NSMCE2: variants seen among roughly 807,000 people sequenced by gnomAD.
NSMCE2 encodes E3 SUMO-protein ligase NSE2.
In NSMCE2, 24 loss-of-function variants were observed where a neutral mutation model predicts 23.8. The observed-to-expected ratio is 1.01, with a 90% confidence interval of 0.73 to 1.42. The LOEUF (loss-of-function observed/expected upper bound fraction) is 1.42. NSMCE2 is among the 40% of genes most tolerant of loss of function. NSMCE2 has a pLI of 0.00. For missense variants in NSMCE2, 284 were observed against 296.5 expected (o/e 0.96, Z 0.31); for synonymous variants, 92 against 94.1 (o/e 0.98, Z 0.13).
intron 4 of NSMCE2, among the ~76,000 whole-genome samples, chr8:125,164,193 TC>T (rs2130737966): frequency 6.6e-6 from 1 of 152,278 alleles, no homozygotes; most frequent in African/African-American, 2.4e-5. Flanking sequence ...AGGTCCCCAA[TC>T]CCTTTAATAA....
At chr8:125,234,473 G>A (rs1312791206) in intron 5 of NSMCE2, among the ~76,000 whole-genome samples, 2 of 152,024 alleles carry the variant, frequency 1.3e-5, no homozygotes, top group Non-Finnish European at 2.9e-5. Context: ...AATCTTTCTT[G>A]CTCTGTAATA....
chr8:125,252,519 C>G (rs1283843099), intron 5 of NSMCE2, among the ~76,000 whole-genome samples: 6 of 152,138 alleles, frequency 3.9e-5, no homozygotes, highest in Non-Finnish European at 7.4e-5. Flanking sequence ...GAGCGAGACT[C>G]TGTCTCAAAA....
intron 5 of NSMCE2, among the ~76,000 whole-genome samples, chr8:125,264,455 G>A (rs1826830699): frequency 6.6e-6 from 1 of 152,144 alleles, no homozygotes; most frequent in Non-Finnish European, 1.5e-5. Flanking sequence ...TGCCCAGGCT[G>A]GAATGCAATG....
chr8:125,290,555 T>A lies in NSMCE2; in HGVS notation c.419-66664T>A, dbSNP rs150988613. ...ACCTCATAGCATTCTAGGTTATGTA[T>A]CCTCTTTCAGTTCAACTAAAGAGCC... On this transcript the variant is annotated intron_variant, in intron 5 of 7. Coordinates refer to ENST00000287437, the MANE Select transcript of NSMCE2 (RefSeq NM_173685.4). 4.5e-4 allele frequency among the ~76,000 whole-genome samples: 69 copies of A among 152,286 alleles called. No individual in the cohort carries two copies. The East Asian group carries it at 5.4e-3, about 12-fold the overall frequency.
intron 3 of NSMCE2, among the ~76,000 whole-genome samples, chr8:125,104,624 G>A (rs1818368110): frequency 6.6e-6 from 1 of 152,106 alleles, no homozygotes; most frequent in Admixed American, 6.5e-5. Context: ...CAGACTCAAG[G>A]GGACCCCAGT....
intron 4 of NSMCE2, among the ~76,000 whole-genome samples, chr8:125,180,992 G>A (rs1303512174): frequency 6.6e-6 from 1 of 152,176 alleles, no homozygotes; most frequent in Non-Finnish European, 1.5e-5. Flanking sequence ...CTGGAGTGGT[G>A]GTAGAAGTCC....
At chr8:125,204,114 T>C (rs1824004272) in intron 5 of NSMCE2, among the ~76,000 whole-genome samples, 1 of 152,214 alleles carries the variant, frequency 6.6e-6, no homozygotes, top group Admixed American at 6.5e-5. Context: ...TAAAGGATTA[T>C]AGAAGGGGGT....
intron 5 of NSMCE2, among the ~76,000 whole-genome samples, chr8:125,304,855 T>C (rs1340744701): frequency 6.8e-6 from 1 of 147,930 alleles, no homozygotes; most frequent in Non-Finnish European, 1.5e-5. Flanking sequence ...GCCACCTCAT[T>C]TCAGCCTGGG....
chr8:125,345,950 A>G (rs1830416147), intron 5 of NSMCE2, among the ~76,000 whole-genome samples: 2 of 152,116 alleles, frequency 1.3e-5, no homozygotes, highest in Non-Finnish European at 2.9e-5. Context: ...GAGGGCAGGA[A>G]TTCGAGACCA....
At position 125,198,052 on chromosome 8, in the gene NSMCE2, T is replaced by C. The variant is rs1350541033; in HGVS notation, c.418+15796T>C. ...ACATTGATTTTGTATCCTGAGACTT[T>C]GCCGAAGTTGCTTATCAGCTTAAGG... On this transcript the variant is annotated intron_variant, in intron 5 of 7. Coordinates refer to ENST00000287437, the MANE Select transcript of NSMCE2 (RefSeq NM_173685.4). Among the ~76,000 whole-genome samples, 3 of 152,248 alleles carry C rather than the reference T, an allele frequency of 2.0e-5. No individual in the cohort carries two copies. In the East Asian group the frequency reaches 5.8e-4, roughly 29 times the overall value.
At chr8:125,239,862 G>A (rs1385887802) in intron 5 of NSMCE2, among the ~76,000 whole-genome samples, 1 of 152,096 alleles carries the variant, frequency 6.6e-6, no homozygotes, top group Non-Finnish European at 1.5e-5. Flanking sequence ...TATAACCTGT[G>A]CTGTAAATAA....
chr8:125,357,946 A>T (rs1008410364), intron 7 of NSMCE2, 128 bp downstream of exon 7: 18 of 663,580 alleles, frequency 2.7e-5, no homozygotes, highest in East Asian at 1.3e-4. Flanking sequence ...GAATACTGTA[A>T]ACATGGAAGT....
At chr8:125,280,796 G>A (rs1489735087) in intron 5 of NSMCE2, among the ~76,000 whole-genome samples, 1 of 152,182 alleles carries the variant, frequency 6.6e-6, no homozygotes, top group Non-Finnish European at 1.5e-5. Context: ...ACTAATGGAG[G>A]AAATATTTTT....
At position 125,107,844 on chromosome 8, in the gene NSMCE2, C is replaced by A. The variant is rs1818539642; in HGVS notation, c.157+5357C>A. Among the ~76,000 whole-genome samples the A allele has an allele frequency of 2.0e-5, 3 of 151,998 alleles. No homozygotes were observed. In the South Asian group the frequency reaches 6.2e-4, roughly 32 times the overall value. ...AGCTCAGGAGTTTGATACTAGCCTG[C>A]AGCAACATGGCAAACCCTGTCTCTA... On this transcript the variant is annotated intron_variant, in intron 3 of 7. Transcript: ENST00000287437.
At chr8:125,295,341 C>T (rs1828279606) in intron 5 of NSMCE2, among the ~76,000 whole-genome samples, 1 of 152,042 alleles carries the variant, frequency 6.6e-6, no homozygotes, top group African/African-American at 2.4e-5. Context: ...GACCAACTAG[C>T]AGACAGGTAA....
chr8:125,261,792 C>A (rs1238172113), intron 5 of NSMCE2, among the ~76,000 whole-genome samples: 1 of 150,774 alleles, frequency 6.6e-6, no homozygotes, highest in African/African-American at 2.4e-5. Flanking sequence ...TTTTGAAAAA[C>A]ATTTTTAAAA....
At chr8:125,208,962 A>T (rs1824222489) in intron 5 of NSMCE2, among the ~76,000 whole-genome samples, 1 of 152,142 alleles carries the variant, frequency 6.6e-6, no homozygotes, top group African/African-American at 2.4e-5. Flanking sequence ...GCCAAGGCTT[A>T]ATTTTGTTTT....
At chr8:125,219,153 T>A (rs1245465782) in intron 5 of NSMCE2, among the ~76,000 whole-genome samples, 1 of 152,116 alleles carries the variant, frequency 6.6e-6, no homozygotes, top group Non-Finnish European at 1.5e-5. Flanking sequence ...ACTCCACATA[T>A]TTGCTATTTG....
intron 3 of NSMCE2, among the ~76,000 whole-genome samples, chr8:125,109,884 C>T (rs1213039720): frequency 1.3e-5 from 2 of 152,096 alleles, no homozygotes; most frequent in Non-Finnish European, 2.9e-5. Flanking sequence ...TCTTCTTTGA[C>T]CTAACTGGGA....
Sources: allele counts gnomAD v4.1 joint callset (sites outside exome capture counted in the v4.1 genomes callset), GRCh38; gene constraint gnomAD v4.1.1; transcripts MANE v1.5; gene names NCBI Gene and HGNC (gene_info 2026-07-23, HGNC 2026-07-21).